The following SYN3 variants were observed in gnomAD, a reference collection of about 807,000 sequenced individuals.
SYN3 encodes the protein synapsin-3.
In SYN3, 35 loss-of-function variants were observed where a neutral mutation model predicts 65.8. The observed-to-expected ratio is 0.53, with a 90% confidence interval of 0.41 to 0.70. The LOEUF (loss-of-function observed/expected upper bound fraction) is 0.70. Ranked by LOEUF, SYN3 falls within the 30% of genes least tolerant of loss-of-function variation. The pLI is 0.00. For missense variants in SYN3, 680 were observed against 749.0 expected (o/e 0.91, Z 1.08); for synonymous variants, 270 against 292.9 (o/e 0.92, Z 0.80).
rs1038432563 is a variant in SYN3 at position 32,662,596 on chromosome 22, T to A, written c.712-65860A>T. Among the ~76,000 whole-genome samples the A allele has an allele frequency of 2.0e-3, 298 of 152,316 alleles. 1 individual carries two copies. The highest frequency in any genetic ancestry group is 6.3e-3 in the African/African-American group (262 of 41,570). Reference sequence around the variant, plus strand: ...GGCCAAGTTACTGACCTTTCCAAGTTCCTCATCTGTAAAATGGGGGTAATA... The same window carrying A: ...GGCCAAGTTACTGACCTTTCCAAGTACCTCATCTGTAAAATGGGGGTAATA... On this transcript the variant is annotated intron_variant, in intron 6 of 13. Transcript: ENST00000358763.
At chr22:32,620,317 CT>C (rs888172642) in intron 6 of SYN3, among the ~76,000 whole-genome samples, 11 of 151,748 alleles carry the variant, frequency 7.2e-5, no homozygotes, top group South Asian at 2.1e-4. Flanking sequence ...ACTCCAAAAA[CT>C]TTTTTTTTAA....
At chr22:32,854,578 G>T (rs536064684) in intron 6 of SYN3, among the ~76,000 whole-genome samples, 2 of 152,246 alleles carry the variant, frequency 1.3e-5, no homozygotes, top group Admixed American at 1.3e-4. Context: ...CAGAAGTCAG[G>T]GTAGGGGATG....
intron 4 of SYN3, 137 bp from the exon 5 acceptor site, chr22:32,869,262 G>T: frequency 1.2e-6 from 1 of 811,254 alleles, no homozygotes; most frequent in Non-Finnish European, 1.9e-6. Flanking sequence ...GGTGGGGGAT[G>T]AGGGCAGTTA....
chr22:32,976,486 T>G (rs1442474088), intron 3 of SYN3, among the ~76,000 whole-genome samples: 2 of 152,206 alleles, frequency 1.3e-5, no homozygotes, highest in East Asian at 3.8e-4. Context: ...ACTGTGAGTC[T>G]ACTTAATATT....
rs551538167 is a variant in SYN3 at position 32,900,449 on chromosome 22, AAC to A, written c.461+30939_461+30940del. ...GTTATGGTCATTTGTTCATTCAATA[AAC>A]ATTTATTGAATAAATACTCTGTGCC... On this transcript the variant is annotated intron_variant, in intron 4 of 13. Transcript: ENST00000358763. Among the ~76,000 whole-genome samples the A allele has an allele frequency of 1.7e-3, 266 of 152,350 alleles. 3 individuals carry two copies. Among genetic ancestry groups the A allele is most frequent in the African/African-American group, 6.2e-3 (258 of 41,574 alleles).
chr22:32,585,692 A>G (rs1443353928), intron 7 of SYN3, among the ~76,000 whole-genome samples: 2 of 152,070 alleles, frequency 1.3e-5, no homozygotes, highest in Non-Finnish European at 1.5e-5. Flanking sequence ...TGACTTCATG[A>G]TCTAGATGGT....
At chr22:32,890,159 G>C (rs2049405687) in intron 4 of SYN3, among the ~76,000 whole-genome samples, 1 of 133,454 alleles carries the variant, frequency 7.5e-6, no homozygotes, top group Non-Finnish European at 1.5e-5. Flanking sequence ...GCTCACTACA[G>C]ACTCAACCTT....
chr22:32,650,588 A>G (rs2060055847), intron 6 of SYN3, among the ~76,000 whole-genome samples: 1 of 151,946 alleles, frequency 6.6e-6, no homozygotes, highest in African/African-American at 2.4e-5. Flanking sequence ...GGTCCTTTCA[A>G]TCTTCACAAT....
At chr22:33,044,319 C>T (rs968916165) in intron 1 of SYN3, among the ~76,000 whole-genome samples, 3 of 152,164 alleles carry the variant, frequency 2.0e-5, no homozygotes, top group Non-Finnish European at 4.4e-5. Context: ...TGCCTAGTCA[C>T]GTGAGACTTT....
chr22:33,025,548 C>T (rs972485846), intron 1 of SYN3, among the ~76,000 whole-genome samples: 1 of 151,124 alleles, frequency 6.6e-6, no homozygotes, highest in Non-Finnish European at 1.5e-5. Context: ...GCAGGAGAAT[C>T]GCTTGAACCT....
chr22:33,042,912 G>A (rs375372300), intron 1 of SYN3, among the ~76,000 whole-genome samples: 20 of 152,276 alleles, frequency 1.3e-4, no homozygotes, highest in African/African-American at 4.6e-4. Flanking sequence ...GAAGCCCTGG[G>A]GATGTTCCGG....
At position 32,646,599 on chromosome 22, in the gene SYN3, T is replaced by G. The variant is rs1160458960; in HGVS notation, c.712-49863A>C. On this transcript the variant is annotated intron_variant, in intron 6 of 13. Transcript: ENST00000358763. The stretch of plus-strand genomic sequence containing the variant: ...GAAGGAGCAGATGTGTTATAATAGG[T>G]GCTCCAAGAAGATTGCAAATACAGC... Among the ~76,000 whole-genome samples, 3 of 152,164 alleles carry G rather than the reference T, an allele frequency of 2.0e-5. No individual in the cohort carries two copies. The East Asian group carries it at 5.8e-4, about 29-fold the overall frequency.
intron 6 of SYN3, among the ~76,000 whole-genome samples, chr22:32,739,139 T>C (rs2061369525): frequency 6.6e-6 from 1 of 150,698 alleles, no homozygotes; most frequent in Non-Finnish European, 1.5e-5. Context: ...TCCCATGTGT[T>C]GTGGAAGAGA....
chr22:33,001,859 C>T (rs1027559116), intron 2 of SYN3, among the ~76,000 whole-genome samples: 4 of 152,226 alleles, frequency 2.6e-5, no homozygotes. Context: ...TGTCTGTATT[C>T]TTAACATTGC....
intron 7 of SYN3, among the ~76,000 whole-genome samples, chr22:32,588,602 A>G (rs1374017779): frequency 1.3e-5 from 2 of 152,190 alleles, no homozygotes; most frequent in Non-Finnish European, 2.9e-5. Flanking sequence ...TTCTATCATC[A>G]TTACAACCCT....
chr22:32,703,391 C>A (rs1281151807), intron 6 of SYN3, among the ~76,000 whole-genome samples: 3 of 152,148 alleles, frequency 2.0e-5, no homozygotes, highest in East Asian at 3.8e-4. Flanking sequence ...GTAATCCCAG[C>A]ACTTTTAGAG....
intron 6 of SYN3, among the ~76,000 whole-genome samples, chr22:32,794,018 G>T (rs1024072569): frequency 6.6e-6 from 1 of 152,216 alleles, no homozygotes; most frequent in African/African-American, 2.4e-5. Context: ...GGCCAGCCTG[G>T]TGCTGAGAAC....
Position 32,697,528 on chromosome 22 carries a change from G to A in SYN3, c.712-100792C>T, listed in dbSNP as rs556158853. Among the ~76,000 whole-genome samples, 19 of 152,302 alleles carry A rather than the reference G, an allele frequency of 1.2e-4. No individual in the cohort carries two copies. In the South Asian group the frequency reaches 3.3e-3, roughly 27 times the overall value. ...ATGTACATAATGTAATGCCTGGCAC[G>A]TTGATAAGCAATCCATATAAGATGG... On this transcript the variant is annotated intron_variant, in intron 6 of 13. Transcript: ENST00000358763.
intron 6 of SYN3, among the ~76,000 whole-genome samples, chr22:32,781,065 C>A (rs2046050102): frequency 8.4e-6 from 1 of 119,686 alleles, no homozygotes. Flanking sequence ...CCCTCCCTTC[C>A]TCCCTCCCTC....
Sources: gnomAD v4.1 joint callset for allele counts (sites outside exome capture counted in the v4.1 genomes callset) on GRCh38, gnomAD v4.1.1 for gene constraint, MANE v1.5 for transcripts, NCBI Gene and HGNC (gene_info 2026-07-23, HGNC 2026-07-21) for gene names.